The following NT5DC3 variants were observed in gnomAD, a reference collection of about 807,000 sequenced individuals.
The protein encoded by NT5DC3 is 5'-nucleotidase domain-containing protein 3.
A neutral mutation model predicts 67.8 loss-of-function variants in NT5DC3; 42 were observed. The observed-to-expected ratio is 0.62, with a 90% CI of 0.48 to 0.80. The LOEUF (loss-of-function observed/expected upper bound fraction) is 0.80. NT5DC3 is among the 30% of genes least tolerant of loss of function. NT5DC3 has a pLI of 0.00. For missense variants in NT5DC3, 570 were observed against 696.4 expected, an observed-to-expected ratio of 0.82 and a Z score of 2.04; for synonymous variants, 237 against 255.6, an observed-to-expected ratio of 0.93 and a Z score of 0.69.
chr12:103,793,430 G>A lies in NT5DC3; in HGVS notation c.897C>T (p.Thr299=), dbSNP rs750793567. The change falls in exon 8 of 14, where the codon ACC becomes ACT. Residue 299 remains threonine, a synonymous_variant. Transcript: ENST00000392876. ...CTTACACAAAGCTACTGGGGCTATT[G>A]GTGATGAGAAACATCTTCTTGCCAT... ...ADHGKKMFLI[T]NSPSSFVDKG... is the part of the protein sequence containing the mutation. 42 of 1,613,938 alleles carry A rather than the reference G, an allele frequency of 2.6e-5. No individual in the cohort carries two copies. Among genetic ancestry groups the A allele is most frequent in the Middle Eastern group, 3.3e-4 (2 of 6,084 alleles).
At chr12:103,827,115 C>T (rs1262735318) in intron 1 of NT5DC3, among the ~76,000 whole-genome samples, 1 of 152,072 alleles carries the variant, frequency 6.6e-6, no homozygotes, top group Admixed American at 6.5e-5. Context: ...TGTGGTAGAA[C>T]ACACATGTAA....
At chr12:103,830,768 C>T (rs1887891280) in intron 1 of NT5DC3, among the ~76,000 whole-genome samples, 1 of 152,188 alleles carries the variant, frequency 6.6e-6, no homozygotes, top group African/African-American at 2.4e-5. Context: ...TCTTTGCTCA[C>T]ATTTTCCATT....
chr12:103,788,801 G>A (rs754983173), intron 10 of NT5DC3, 37 bp downstream of exon 10: 36 of 1,381,568 alleles, frequency 2.6e-5, no homozygotes, highest in Non-Finnish European at 3.4e-5. Context: ...CGACCACAAA[G>A]CAAAGCAACA....
At chr12:103,811,224 G>A (rs1203110892) in intron 2 of NT5DC3, among the ~76,000 whole-genome samples, 4 of 147,910 alleles carry the variant, frequency 2.7e-5, no homozygotes, top group African/African-American at 1.0e-4. Flanking sequence ...AGAATATAAC[G>A]CCTTGGAGTG....
the NT5DC3 span, among the ~76,000 whole-genome samples, chr12:103,765,116 G>A: frequency 2.0e-5 from 3 of 148,208 alleles, no homozygotes; most frequent in African/African-American, 7.5e-5. Flanking sequence ...AAAAAAGGGA[G>A]GTGGTAAGTT....
chr12:103,766,444 G>GT, downstream of NT5DC3: 1 of 1,289,570 alleles, frequency 7.8e-7, no homozygotes, highest in Non-Finnish European at 1.1e-6. Flanking sequence ...TAAGCACTCA[G>GT]AAGCCATACC....
intron 2 of NT5DC3, among the ~76,000 whole-genome samples, chr12:103,813,468 G>A (rs1396267059): frequency 6.6e-6 from 1 of 152,242 alleles, no homozygotes; most frequent in Non-Finnish European, 1.5e-5. Flanking sequence ...CAAATGCCAT[G>A]ACTGCATTTT....
At chr12:103,808,348 A>G (rs1380627121) in intron 2 of NT5DC3, among the ~76,000 whole-genome samples, 2 of 152,176 alleles carry the variant, frequency 1.3e-5, no homozygotes, top group Non-Finnish European at 2.9e-5. Flanking sequence ...CAGAACATCT[A>G]TTCCTGAGTC....
Position 103,806,911 on chromosome 12 carries a change from T to C in NT5DC3, c.412A>G (p.Lys138Glu), listed in dbSNP as rs1189269769. Residue 138 changes from lysine to glutamate, a missense_variant, in exon 3 of 14, where the codon AAG becomes GAG. By Grantham distance (56) the Lys-to-Glu change is moderately conservative. Transcript: ENST00000392876. ...GCAAAATTTGGGTCATACTCATACT[T>C]CCTGATTTCTGCTGGATACTAAGAA... ...NEHRYPAEIR[K>E]YEYDPNFAIR... is the part of the protein sequence containing the mutation. 6 of 1,603,346 alleles carry C rather than the reference T, an allele frequency of 3.7e-6. No homozygotes were observed. The Admixed American group carries it at 1.0e-4, about 27-fold the overall frequency.
chr12:103,782,902 C>T (rs1885615139), intron 12 of NT5DC3, among the ~76,000 whole-genome samples: 1 of 152,150 alleles, frequency 6.6e-6, no homozygotes, highest in African/African-American at 2.4e-5. Context: ...AGGAGAACTG[C>T]TTGAACCTGG....
intron 1 of NT5DC3, among the ~76,000 whole-genome samples, chr12:103,836,420 G>T (rs1269566517): frequency 6.6e-6 from 1 of 152,088 alleles, no homozygotes; most frequent in African/African-American, 2.4e-5. Context: ...GGAGAAATTG[G>T]CCAAAACAAA....
Position 103,798,624 on chromosome 12 carries a change from T to C in NT5DC3, c.578A>G (p.His193Arg). 6.2e-7 allele frequency: 1 copy of C among 1,614,076 alleles called. No homozygotes were observed. The highest frequency in any genetic ancestry group is 8.5e-7 in the Non-Finnish European group (1 of 1,179,890). The change falls in exon 5 of 14, where the codon CAC becomes CGC. Residue 193 changes from histidine (H) to arginine (R), a missense_variant. Transcript: ENST00000392876. Reference sequence around the variant, plus strand: ...GTCACTCATCTGCTCCAAGGGCACGTGGGACCCCTCGTACATTTCAATGAC... The same window carrying C: ...GTCACTCATCTGCTCCAAGGGCACGCGGGACCCCTCGTACATTTCAATGAC... ...EEVIEMYEGS[H>R]VPLEQMSDFY...
intron 2 of NT5DC3, among the ~76,000 whole-genome samples, chr12:103,809,756 C>A (rs555633425): frequency 6.8e-4 from 104 of 152,272 alleles, no homozygotes; most frequent in Non-Finnish European, 1.1e-3. Context: ...ATGGGAGCTA[C>A]AATTCAAGAT....
At chr12:103,813,236 G>A (rs1390562145) in intron 2 of NT5DC3, among the ~76,000 whole-genome samples, 1 of 152,252 alleles carries the variant, frequency 6.6e-6, no homozygotes, top group Non-Finnish European at 1.5e-5. Context: ...ATGGCATGGG[G>A]TGGCAGGCAG....
intron 5 of NT5DC3, 105 bp downstream of exon 5, chr12:103,798,482 C>G (rs1456384457): frequency 2.7e-6 from 2 of 751,720 alleles, no homozygotes; most frequent in Admixed American, 4.7e-5. Context: ...AACACACAAT[C>G]TCAAATTTCC....
chr12:103,766,376 CT>C (rs757785322), downstream of NT5DC3: 8 of 1,580,096 alleles, frequency 5.1e-6, no homozygotes, highest in Non-Finnish European at 6.9e-6. Context: ...TCACTGCCAC[CT>C]GGGCCATCAA....
chr12:103,814,855 G>A, intron 2 of NT5DC3, 82 bp downstream of exon 2: 1 of 955,034 alleles, frequency 1.0e-6, no homozygotes, highest in East Asian at 2.8e-5. Context: ...CTTCTCTGTG[G>A]CAGACTTGGG....
the NT5DC3 span, chr12:103,749,196 G>T: frequency 6.4e-7 from 1 of 1,553,730 alleles, no homozygotes; most frequent in Non-Finnish European, 8.7e-7. Context: ...GAGCAGCGCC[G>T]TGGGCTTCGC....
chr12:103,769,669 C>A (rs947073222), downstream of NT5DC3, among the ~76,000 whole-genome samples: 1 of 152,226 alleles, frequency 6.6e-6, no homozygotes, highest in Non-Finnish European at 1.5e-5. Context: ...CTGTTGGCCA[C>A]CCCAGCTGAC....
Sources: gnomAD v4.1 joint callset for allele counts (sites outside exome capture counted in the v4.1 genomes callset) on GRCh38, gnomAD v4.1.1 for gene constraint, MANE v1.5 for transcripts, NCBI Gene and HGNC (gene_info 2026-07-23, HGNC 2026-07-21) for gene names.